The following RPRD1B variants were observed in gnomAD, a reference collection of about 807,000 sequenced individuals.
RPRD1B encodes the protein regulation of nuclear pre-mRNA domain-containing protein 1B.
In RPRD1B, 11 loss-of-function variants were observed where a neutral mutation model predicts 41.5. The ratio of observed to expected loss-of-function variants is 0.27; its 90% CI spans 0.17 to 0.44. The LOEUF (loss-of-function observed/expected upper bound fraction) is 0.44. Ranked by LOEUF, RPRD1B falls within the 20% of genes least tolerant of loss-of-function variation. RPRD1B has a pLI of 1.00. For synonymous variants in RPRD1B, 158 were observed against 155.6 expected (o/e 1.02, Z -0.12); for missense variants, 248 against 389.9 (o/e 0.64, Z 3.06).
chr20:38,051,331 T>A (rs1600400933), intron 3 of RPRD1B, among the ~76,000 whole-genome samples: 2 of 152,354 alleles, frequency 1.3e-5, no homozygotes, highest in East Asian at 3.9e-4. Flanking sequence ...ACTTTTTTAT[T>A]TGAGCCACAT....
intron 6 of RPRD1B, among the ~76,000 whole-genome samples, chr20:38,072,201 A>T (rs2074419672): frequency 6.6e-6 from 1 of 152,030 alleles, no homozygotes; most frequent in Admixed American, 6.6e-5. Context: ...ATGTGGTGTG[A>T]TGTAGGGGGG....
chr20:38,086,074 C>G (rs2074558402), intron 6 of RPRD1B, among the ~76,000 whole-genome samples: 1 of 152,022 alleles, frequency 6.6e-6, no homozygotes, highest in African/African-American at 2.4e-5. Context: ...CTCAGCCTCC[C>G]AAAGTGTTGG....
intron 6 of RPRD1B, among the ~76,000 whole-genome samples, chr20:38,075,861 G>A (rs2074454310): frequency 6.6e-6 from 1 of 152,222 alleles, no homozygotes; most frequent in Non-Finnish European, 1.5e-5. Flanking sequence ...CATGATGGCT[G>A]TGCAAGCCTC....
Position 38,066,192 on chromosome 20 carries a change from G to A in RPRD1B, c.767G>A (p.Arg256Gln), listed in dbSNP as rs769715799. The A allele has an allele frequency of 1.2e-5, 20 of 1,613,988 alleles. No homozygotes were observed. In the East Asian group the frequency reaches 1.6e-4, roughly 13 times the overall value. The change falls in exon 6 of 7, where the codon CGG becomes CAG. Residue 256 changes from arginine (R) to glutamine (Q), a missense_variant. Arg to Gln is a conservative substitution (Grantham distance 43). This residue lies in a region of RPRD1B where 93 missense variants were observed against 167.2 expected (regional missense o/e 0.56). Coordinates refer to ENST00000373433, the MANE Select transcript of RPRD1B (RefSeq NM_021215.4). ...AELEDRRQLA[R>Q]MLVEYTQNQK... ...CTGGAGGACCGTCGCCAGCTGGCTC[G>A]GATGTTGGTGGAGTATACCCAGAAT...
intron 3 of RPRD1B, among the ~76,000 whole-genome samples, chr20:38,054,211 G>GA (rs1310976589): frequency 2.0e-5 from 3 of 152,210 alleles, no homozygotes; most frequent in Non-Finnish European, 4.4e-5. Context: ...ACAGGTCAGT[G>GA]AAAGTGTTCG....
At chr20:38,034,183 T>C (rs971171904) in intron 1 of RPRD1B, 85 bp downstream of exon 1, 5 of 1,419,204 alleles carry the variant, frequency 3.5e-6, no homozygotes, top group South Asian at 1.4e-5. Context: ...AGCCTCTTCA[T>C]TGAGCCTTGC....
At chr20:38,062,748 C>T (rs1253251394) in intron 5 of RPRD1B, among the ~76,000 whole-genome samples, 4 of 151,436 alleles carry the variant, frequency 2.6e-5, no homozygotes, top group Non-Finnish European at 5.9e-5. Context: ...CAGAGTGATC[C>T]TCTTAGTAGA....
intron 1 of RPRD1B, 22 bp downstream of exon 1, chr20:38,034,120 C>T (rs375042309): frequency 4.4e-6 from 7 of 1,605,004 alleles, no homozygotes; most frequent in Middle Eastern, 1.7e-4. Flanking sequence ...ATCCCCACCC[C>T]CTGGACGGTC....
At chr20:38,070,704 G>T (rs1327355350) in intron 6 of RPRD1B, 5 of 984,714 alleles carry the variant, frequency 5.1e-6, no homozygotes, top group African/African-American at 1.8e-5. Flanking sequence ...AAGAAAAAAG[G>T]TCAGGAACCT....
chr20:38,090,815 C>A lies in RPRD1B; in HGVS notation c.*940C>A. The A allele has an allele frequency of 1.0e-6, 1 of 985,402 alleles. No individual in the cohort carries two copies. The allele number at this position is 985,402 out of a possible 1,614,324, so 61.0% of individuals were successfully genotyped here. On this transcript the variant is annotated 3_prime_UTR_variant, in exon 7 of 7. Coordinates refer to ENST00000373433, the MANE Select transcript of RPRD1B (RefSeq NM_021215.4). Reference sequence around the variant, plus strand: ...GTAGGGTACACACTAACGTTTAATCCGCTGTCTGGGTGCATGTCCACAGTA... The same window carrying A: ...GTAGGGTACACACTAACGTTTAATCAGCTGTCTGGGTGCATGTCCACAGTA...
At chr20:38,063,334 T>C (rs1342212782) in intron 5 of RPRD1B, among the ~76,000 whole-genome samples, 2 of 152,240 alleles carry the variant, frequency 1.3e-5, no homozygotes, top group Non-Finnish European at 2.9e-5. Context: ...TAATATTTAT[T>C]GTATATTGAT....
chr20:38,067,998 C>T (rs528176926), intron 6 of RPRD1B, among the ~76,000 whole-genome samples: 2 of 152,288 alleles, frequency 1.3e-5, no homozygotes, highest in East Asian at 1.9e-4. Flanking sequence ...TTGAGGAGAT[C>T]GGGTTGGTAG....
chr20:38,065,298 GGC>G (rs775816881), intron 5 of RPRD1B, among the ~76,000 whole-genome samples: 5 of 152,022 alleles, frequency 3.3e-5, no homozygotes. Context: ...TTTTTTTTCT[GGC>G]GGGGAGGGGG....
At chr20:38,058,720 T>G (rs1343843257) in intron 4 of RPRD1B, among the ~76,000 whole-genome samples, 1 of 152,168 alleles carries the variant, frequency 6.6e-6, no homozygotes, top group Non-Finnish European at 1.5e-5. Flanking sequence ...TTCCTTCTCC[T>G]TCTTGAGACA....
chr20:38,072,761 T>G (rs1271773493), intron 6 of RPRD1B, among the ~76,000 whole-genome samples: 1 of 152,186 alleles, frequency 6.6e-6, no homozygotes, highest in Non-Finnish European at 1.5e-5. Flanking sequence ...TGTCTAGGTT[T>G]TGGGACCACA....
intron 2 of RPRD1B, among the ~76,000 whole-genome samples, chr20:38,045,975 C>T (rs549040694): frequency 6.6e-6 from 1 of 152,362 alleles, no homozygotes; most frequent in African/African-American, 2.4e-5. Flanking sequence ...ATTCCACCCT[C>T]CTTCCAGATT....
intron 5 of RPRD1B, among the ~76,000 whole-genome samples, chr20:38,063,296 G>T (rs1028205641): frequency 6.6e-6 from 1 of 151,990 alleles, no homozygotes; most frequent in African/African-American, 2.4e-5. Context: ...GTTTTTCTCT[G>T]TAGTTCTCTT....
At chr20:38,078,659 G>C (rs1388646233) in intron 6 of RPRD1B, among the ~76,000 whole-genome samples, 2 of 152,174 alleles carry the variant, frequency 1.3e-5, no homozygotes, top group Non-Finnish European at 2.9e-5. Context: ...GATGTCACTT[G>C]GTTCATCTCT....
chr20:38,070,461 T>C, intron 6 of RPRD1B: 1 of 985,568 alleles, frequency 1.0e-6, no homozygotes, highest in Non-Finnish European at 1.2e-6. Context: ...CAGAAAAGCC[T>C]TCCAGCTTCA....
Sources: allele counts gnomAD v4.1 joint callset (sites outside exome capture counted in the v4.1 genomes callset), GRCh38; gene constraint gnomAD v4.1.1; regional missense constraint gnomAD v4.1.1; transcripts MANE v1.5; gene names NCBI Gene and HGNC (gene_info 2026-07-23, HGNC 2026-07-21).